TDRD9: variants seen among roughly 807,000 people sequenced by gnomAD.
TDRD9 encodes ATP-dependent RNA helicase TDRD9.
TDRD9 carries 124 observed loss-of-function variants against 172.6 expected under a neutral mutation model. That is an observed-to-expected ratio of 0.72 (90% CI 0.62 to 0.83). TDRD9 has a LOEUF of 0.83. TDRD9 is among the 40% of genes least tolerant of loss of function. TDRD9 has a pLI of 0.00. For synonymous variants in TDRD9, 619 were observed against 617.1 expected, an observed-to-expected ratio of 1.00 and a Z score of -0.05; for missense variants, 1,479 against 1,714.1, an observed-to-expected ratio of 0.86 and a Z score of 2.42.
At chr14:103,938,436 A>ATCT (rs1483928412) in intron 1 of TDRD9, among the ~76,000 whole-genome samples, 1 of 40,588 alleles carries the variant, frequency 2.5e-5, no homozygotes, top group Non-Finnish European at 4.2e-5. Flanking sequence ...ATATATATAT[A>ATCT]TATATTTTTT....
chr14:103,977,630 C>CTTTT (rs766681794), intron 7 of TDRD9, among the ~76,000 whole-genome samples: 81 of 114,302 alleles, frequency 7.1e-4, no homozygotes, highest in Non-Finnish European at 9.0e-4. Flanking sequence ...TGATTTCTTT[C>CTTTT]TTTTTTTTTT....
intron 23 of TDRD9, 42 bp downstream of exon 23, chr14:104,018,234 A>G (rs756023164): frequency 4.1e-6 from 5 of 1,229,468 alleles, no homozygotes; most frequent in Non-Finnish European, 4.7e-6. Flanking sequence ...TGAAGGAGGC[A>G]TAATGATTCA....
At chr14:104,046,059 C>T (rs1353508725) in intron 34 of TDRD9, among the ~76,000 whole-genome samples, 2 of 152,134 alleles carry the variant, frequency 1.3e-5, no homozygotes, top group South Asian at 2.1e-4. Context: ...TGGGTTCAAG[C>T]GATTCTCCTG....
chr14:103,928,789 G>A, intron 1 of TDRD9, 65 bp downstream of exon 1: 1 of 507,184 alleles, frequency 2.0e-6, no homozygotes, highest in South Asian at 9.6e-5. Context: ...ACGAGGGCAC[G>A]GGCCATCCAG....
At chr14:103,960,741 C>A (rs2032470151) in intron 2 of TDRD9, among the ~76,000 whole-genome samples, 1 of 152,264 alleles carries the variant, frequency 6.6e-6, no homozygotes, top group East Asian at 1.9e-4. Context: ...GGAGAAGGGG[C>A]TATGGTATAG....
At position 103,982,908 on chromosome 14, in the gene TDRD9, CAAAACAA is replaced by C. The variant is rs1331538152; in HGVS notation, c.1012-3306_1012-3300del. Reference sequence around the variant, plus strand: ...AAGAGCGAAACTCCGTTTCAAAAAACAAAACAAAACAAAATTATAAAGAACACACTTA... The same window carrying C: ...AAGAGCGAAACTCCGTTTCAAAAAACAACAAAATTATAAAGAACACACTTA... On this transcript the variant is annotated intron_variant, in intron 7 of 35. Transcript: ENST00000409874. Among the ~76,000 whole-genome samples, 13 of 152,004 alleles carry C rather than the reference CAAAACAA, an allele frequency of 8.6e-5. No individual in the cohort carries two copies. In the South Asian group the frequency reaches 1.7e-3, roughly 19 times the overall value.
At chr14:104,033,921 G>A in intron 30 of TDRD9, 39 bp from the exon 31 acceptor site, 1 of 1,346,350 alleles carries the variant, frequency 7.4e-7, no homozygotes, top group Non-Finnish European at 1.0e-6. Context: ...CCTGGTTAGT[G>A]GATCAGTCAC....
rs1198274740 is a variant in TDRD9 at position 104,016,083 on chromosome 14, G to A, written c.2326G>A (p.Val776Ile). Reference sequence around the variant, plus strand: ...GGCTGGCAAGGACCCCAAGACAACTGTCGTGGTAGGTGCTGGGGGCAGGCC... The same window carrying A: ...GGCTGGCAAGGACCCCAAGACAACTATCGTGGTAGGTGCTGGGGGCAGGCC... Reference protein sequence around the residue: ...ELAGKDPKTTVVLKHIPPYGF... With the variant: ...ELAGKDPKTTIVLKHIPPYGF... The change falls in exon 22 of 36, where the codon GTC becomes ATC. Residue 776 changes from valine to isoleucine, a missense_variant. By Grantham distance (29) the Val-to-Ile change is conservative (BLOSUM62 3). Coordinates refer to ENST00000409874, the MANE Select transcript of TDRD9 (RefSeq NM_153046.3). The A allele has an allele frequency of 6.3e-7, 1 of 1,596,846 alleles. No homozygotes were observed. The highest frequency in any genetic ancestry group is 2.3e-5 in the East Asian group (1 of 44,282).
Position 103,973,378 on chromosome 14 carries a change from C to G in TDRD9, c.847-2011C>G, listed in dbSNP as rs192313577. On this transcript the variant is annotated intron_variant, in intron 6 of 35. Transcript: ENST00000409874. ...TTAAGGCCTCCCCTTTCCTCTCCCC[C>G]CAACCTTTAGGTCCCTGTGGTTCCC... Among the ~76,000 whole-genome samples the G allele has an allele frequency of 6.5e-3, 991 of 152,274 alleles. 3 individuals are homozygous for G. The highest frequency in any genetic ancestry group is 0.012 in the Non-Finnish European group (788 of 68,008).
chr14:103,955,909 A>G (rs2032170357), intron 2 of TDRD9, 139 bp downstream of exon 2: 1 of 642,194 alleles, frequency 1.6e-6, no homozygotes, highest in Non-Finnish European at 2.6e-6. Context: ...CAGGAATTTA[A>G]CACTAGCCTG....
In TDRD9 at chr14:104,026,775, C is replaced by T. The variant is rs150591179; in HGVS notation, c.3118C>T (p.Leu1040=). ...CGGGGCCAGCCAGTGGTTCGCCTCT[C>T]TGGTGAGCGGCTGCACCCTCCTTGT... ...SDGASQWFAS[L]VSGCTLLVKV... is the part of the protein sequence containing the mutation. Residue 1040 remains leucine (L), a synonymous_variant, in exon 28 of 36, where the codon CTG becomes TTG. Coordinates refer to ENST00000409874, the MANE Select transcript of TDRD9 (RefSeq NM_153046.3). The T allele has an allele frequency of 5.9e-4, 952 of 1,613,932 alleles. 8 individuals carry two copies. The African/African-American group carries it at 0.012, about 20-fold the overall frequency.
chr14:103,941,705 A>G (rs2031247289), intron 1 of TDRD9: 1 of 1,487,376 alleles, frequency 6.7e-7, no homozygotes, highest in South Asian at 1.3e-5. Flanking sequence ...TTTTTAGCCT[A>G]TGGAAATATT....
At position 104,025,433 on chromosome 14, in the gene TDRD9, C is replaced by T; in HGVS notation, c.2719-131C>T. 3 of 698,272 alleles carry T rather than the reference C, an allele frequency of 4.3e-6. No individual in the cohort carries two copies. In the South Asian group the frequency reaches 5.7e-5, roughly 13 times the overall value. 43.3% of individuals were successfully genotyped at this position (698,272 alleles called of 1,614,324 possible). A position where few individuals can be genotyped will look rare whatever the true frequency, so the allele number is the denominator to read the frequency against. The stretch of plus-strand genomic sequence containing the variant: ...AACACCTGTTAAAAACCTGTAAATA[C>T]TTATGTTCCGAGGATTAACGCTGGT... On this transcript the variant is annotated intron_variant, in intron 25 of 35. Coordinates refer to ENST00000409874, the MANE Select transcript of TDRD9 (RefSeq NM_153046.3).
Position 103,941,801 on chromosome 14 carries a change from T to A in TDRD9, c.215+13077T>A, listed in dbSNP as rs117763426. On this transcript the variant is annotated intron_variant, in intron 1 of 35. Coordinates refer to ENST00000409874, the MANE Select transcript of TDRD9 (RefSeq NM_153046.3). ...ATAAATTTGCCCGAAAAGTGCACGA[T>A]TTTTTTTCACATTTAGCTATGCAGG... is the stretch of plus-strand genomic sequence containing the variant. The A allele has an allele frequency of 2.8e-3, 2,301 of 829,268 alleles. 41 individuals carry two copies. In the East Asian group the frequency reaches 0.037, roughly 13 times the overall value. 51.4% of individuals were successfully genotyped at this position (829,268 alleles called of 1,614,324 possible).
At chr14:103,933,836 A>T (rs1019624811) in intron 1 of TDRD9, among the ~76,000 whole-genome samples, 1 of 152,224 alleles carries the variant, frequency 6.6e-6, no homozygotes, top group African/African-American at 2.4e-5. Context: ...GGAAGTTAAG[A>T]TCAGAGAAGT....
intron 9 of TDRD9, among the ~76,000 whole-genome samples, chr14:103,991,885 G>A (rs2033883793): frequency 6.6e-6 from 1 of 152,022 alleles, no homozygotes; most frequent in Admixed American, 6.6e-5. Context: ...AGCCTCCGAA[G>A]TAGCTGGGAT....
At chr14:104,010,980 T>C (rs2034595985) in intron 20 of TDRD9, among the ~76,000 whole-genome samples, 1 of 152,242 alleles carries the variant, frequency 6.6e-6, no homozygotes, top group Non-Finnish European at 1.5e-5. Context: ...GACTTTCATA[T>C]GATTGGCAGC....
chr14:103,941,444 A>G, intron 1 of TDRD9: 1 of 1,535,394 alleles, frequency 6.5e-7, no homozygotes, highest in Non-Finnish European at 8.7e-7. Context: ...GTGAGCAAAG[A>G]ACTTCAAGTT....
At chr14:104,049,363 G>T in intron 34 of TDRD9, 1 of 286,944 alleles carries the variant, frequency 3.5e-6, no homozygotes, top group African/African-American at 2.2e-5. Flanking sequence ...AGTGCTGGTT[G>T]CTAAGGGAAC....
Sources: gnomAD v4.1 joint callset for allele counts (sites outside exome capture counted in the v4.1 genomes callset) on GRCh38, gnomAD v4.1.1 for gene constraint, MANE v1.5 for transcripts, NCBI Gene and HGNC (gene_info 2026-07-23, HGNC 2026-07-21) for gene names.